Variants in FHIT observed in about 807,000 individuals in gnomAD.
The protein encoded by FHIT is fragile histidine triad diadenosine triphosphatase, also known as bis(5'-adenosyl)-triphosphatase.
Under a neutral mutation model 17.9 loss-of-function variants are expected in FHIT, and 19 were observed. The observed-to-expected ratio is 1.06, with a 90% CI of 0.74 to 1.56. The LOEUF (loss-of-function observed/expected upper bound fraction) is 1.56, where lower values mean the gene tolerates loss of function less well. FHIT is among the 40% of genes most tolerant of loss of function. The pLI is 0.00. For synonymous variants in FHIT, 81 were observed against 69.7 expected (o/e 1.16, Z -0.81); for missense variants, 248 against 189.2 (o/e 1.31, Z -1.82).
intron 3 of FHIT, among the ~76,000 whole-genome samples, chr3:60,903,821 T>G (rs1706247455): frequency 6.6e-6 from 1 of 152,218 alleles, no homozygotes; most frequent in Non-Finnish European, 1.5e-5. Context: ...AGAATTGGAC[T>G]GCCAATGAGG....
At chr3:60,096,479 C>G (rs548003591) in intron 5 of FHIT, among the ~76,000 whole-genome samples, 2 of 152,290 alleles carry the variant, frequency 1.3e-5, no homozygotes, top group African/African-American at 4.8e-5. Context: ...CACTCTGGGT[C>G]GCAGGTTTCA....
At chr3:60,313,967 G>A (rs544551038) in intron 5 of FHIT, among the ~76,000 whole-genome samples, 2 of 152,302 alleles carry the variant, frequency 1.3e-5, no homozygotes, top group Non-Finnish European at 2.9e-5. Context: ...TGGTGCACTG[G>A]CGTTGAAATC....
chr3:60,702,060 G>A (rs573887210), intron 4 of FHIT, among the ~76,000 whole-genome samples: 4 of 152,142 alleles, frequency 2.6e-5, no homozygotes, highest in Admixed American at 6.6e-5. Context: ...ACAGGGTTTC[G>A]CCATGTTGCC....
At chr3:59,821,413 A>C (rs1700783427) in intron 8 of FHIT, among the ~76,000 whole-genome samples, 1 of 152,174 alleles carries the variant, frequency 6.6e-6, no homozygotes, top group Non-Finnish European at 1.5e-5. Context: ...GCTTCCATAG[A>C]AAACACTCCA....
chr3:59,784,104 C>G (rs150233918), intron 8 of FHIT, among the ~76,000 whole-genome samples: 4 of 152,282 alleles, frequency 2.6e-5, no homozygotes, highest in Non-Finnish European at 5.9e-5. Context: ...ATTGGACCGA[C>G]CTGCTCTTTC....
rs560036596 is a variant in FHIT at position 59,927,058 on chromosome 3, G to C, written c.280-4644C>G. 3.2e-4 allele frequency among the ~76,000 whole-genome samples: 48 copies of C among 152,046 alleles called. 1 individual carries two copies. The South Asian group carries it at 3.5e-3, about 11-fold the overall frequency. On this transcript the variant is annotated intron_variant, in intron 7 of 9. Transcript: ENST00000492590. ...CAACATTATTCACAATCACCAAAAA[G>C]TATAAAAAACTCAAATGACTATCAA...
intron 5 of FHIT, among the ~76,000 whole-genome samples, chr3:60,135,412 C>T (rs1699776476): frequency 1.3e-5 from 2 of 152,134 alleles, no homozygotes; most frequent in Admixed American, 1.3e-4. Context: ...TATCCCTACA[C>T]CCTGGAGCTA....
chr3:60,098,335 G>C (rs1323498050), intron 5 of FHIT, among the ~76,000 whole-genome samples: 9 of 147,860 alleles, frequency 6.1e-5, no homozygotes, highest in Non-Finnish European at 1.3e-4. Flanking sequence ...CCCACCAACA[G>C]TGTAAAAGTG....
At chr3:60,357,200 T>C (rs1490609213) in intron 5 of FHIT, among the ~76,000 whole-genome samples, 1 of 151,842 alleles carries the variant, frequency 6.6e-6, no homozygotes, top group African/African-American at 2.4e-5. Flanking sequence ...GGAGATCACT[T>C]GTTTTTTGTT....
At chr3:59,851,271 G>C (rs1343521659) in intron 8 of FHIT, among the ~76,000 whole-genome samples, 1 of 152,096 alleles carries the variant, frequency 6.6e-6, no homozygotes, top group Non-Finnish European at 1.5e-5. Context: ...AACTTTTATG[G>C]CTCATTAGCT....
intron 5 of FHIT, among the ~76,000 whole-genome samples, chr3:60,446,317 A>ACT (rs1258918232): frequency 6.6e-6 from 1 of 151,812 alleles, no homozygotes; most frequent in East Asian, 1.9e-4. Flanking sequence ...AATTATAGAG[A>ACT]CTCTGCATGA....
intron 7 of FHIT, among the ~76,000 whole-genome samples, chr3:59,942,039 A>G (rs1706546266): frequency 6.6e-6 from 1 of 152,192 alleles, no homozygotes. Context: ...AACTGGAATC[A>G]TCTCACGATC....
chr3:59,903,053 T>C (rs1704407474), intron 8 of FHIT, among the ~76,000 whole-genome samples: 1 of 152,194 alleles, frequency 6.6e-6, no homozygotes, highest in Non-Finnish European at 1.5e-5. Flanking sequence ...CATCACACAG[T>C]ATATCTTAAA....
chr3:60,828,405 A>C (rs1553741587), intron 3 of FHIT, among the ~76,000 whole-genome samples: 1 of 152,126 alleles, frequency 6.6e-6, no homozygotes, highest in African/African-American at 2.4e-5. Flanking sequence ...ATTGTTTAGT[A>C]ATTAATTACT....
At chr3:60,618,362 TACAC>T in intron 4 of FHIT, among the ~76,000 whole-genome samples, 1 of 152,130 alleles carries the variant, frequency 6.6e-6, no homozygotes, top group East Asian at 1.9e-4. Flanking sequence ...GGTGATTTGC[TACAC>T]AGATCATCCC....
At chr3:60,139,553 T>C (rs1699949079) in intron 5 of FHIT, among the ~76,000 whole-genome samples, 1 of 152,124 alleles carries the variant, frequency 6.6e-6, no homozygotes, top group Non-Finnish European at 1.5e-5. Flanking sequence ...CCTTGCACAA[T>C]CCTCAGCTAC....
At chr3:59,996,506 T>C (rs1050101921) in intron 7 of FHIT, among the ~76,000 whole-genome samples, 2 of 152,082 alleles carry the variant, frequency 1.3e-5, no homozygotes, top group Non-Finnish European at 2.9e-5. Context: ...AATTTTTCCA[T>C]GGAAAAAGTC....
chr3:60,409,760 C>T (rs553056639), intron 5 of FHIT, among the ~76,000 whole-genome samples: 110 of 152,210 alleles, frequency 7.2e-4, no homozygotes, highest in African/African-American at 2.4e-3. Flanking sequence ...AAATACAATG[C>T]AAAAATCTCA....
intron 4 of FHIT, among the ~76,000 whole-genome samples, chr3:60,558,300 T>G (rs911280202): frequency 6.6e-6 from 1 of 152,040 alleles, no homozygotes; most frequent in African/African-American, 2.4e-5. Context: ...CAGGGCCACA[T>G]GAAACCATTC....
Sources: allele counts gnomAD v4.1 joint callset (sites outside exome capture counted in the v4.1 genomes callset), GRCh38; gene constraint gnomAD v4.1.1; transcripts MANE v1.5; gene names NCBI Gene and HGNC (gene_info 2026-07-23, HGNC 2026-07-21).